Variants in ESRRG observed in about 807,000 individuals in gnomAD.
ESRRG encodes estrogen related receptor gamma.
Under a neutral mutation model 44.0 loss-of-function variants are expected in ESRRG, and 13 were observed. The ratio of observed to expected loss-of-function variants is 0.30; its 90% CI spans 0.19 to 0.47. The LOEUF is 0.47. Ranked by LOEUF, ESRRG falls within the 20% of genes least tolerant of loss-of-function variation. The pLI, the probability that ESRRG is intolerant of heterozygous loss-of-function variation, is 1.00. For synonymous variants in ESRRG, 215 were observed against 214.6 expected (o/e 1.00, Z -0.02); for missense variants, 395 against 580.6 (o/e 0.68, Z 3.29).
At position 216,779,290 on chromosome 1, in the gene ESRRG, ATT is replaced by A. The variant is rs1434782657; in HGVS notation, c.-13-101801_-13-101800del. Among the ~76,000 whole-genome samples, 160 of 35,118 alleles carry A rather than the reference ATT, an allele frequency of 4.6e-3. 2 individuals carry two copies. The highest frequency in any genetic ancestry group is 0.01 in the African/African-American group (85 of 8,354). 23.0% of individuals were successfully genotyped at this position (35,118 alleles called of 152,430 possible). Reference sequence around the variant, plus strand: ...ATATATTTATATTTATAAACATTATATTTATATTTATAAACATTATATTTATA... The same window carrying A: ...ATATATTTATATTTATAAACATTATATATATTTATAAACATTATATTTATA... On this transcript the variant is annotated intron_variant, in intron 2 of 7. Transcript: ENST00000359162.
At position 216,977,232 on chromosome 1, in the gene ESRRG, C is replaced by T. The variant is rs1466618085; in HGVS notation, c.-105-37559G>A. Among the ~76,000 whole-genome samples the T allele has an allele frequency of 1.9e-4, 29 of 151,554 alleles. No homozygotes were observed. The Admixed American group carries it at 1.9e-3, about 10-fold the overall frequency. On this transcript the variant is annotated intron_variant, in intron 1 of 7. Coordinates refer to the ESRRG transcript ENST00000359162. ...GCACATTTACTCTAGGGTATTGGAC[C>T]TATCTGTCAAGCTCTTAAGAGTCAA...
Position 216,979,651 on chromosome 1 carries a change from G to T in ESRRG, c.-105-39978C>A, listed in dbSNP as rs2073598309. On this transcript the variant is annotated intron_variant, in intron 1 of 7. Transcript: ENST00000359162. ...GTTTCCTCATCTATAAAATGGGAAT[G>T]ATAATAATCCGTAACTCATAGGAAT... Among the ~76,000 whole-genome samples the T allele has an allele frequency of 2.6e-5, 4 of 152,060 alleles. No individual in the cohort carries two copies. In the South Asian group the frequency reaches 8.3e-4, roughly 32 times the overall value.
chr1:216,749,298 T>A (rs2152284217), intron 2 of ESRRG, among the ~76,000 whole-genome samples: 1 of 152,158 alleles, frequency 6.6e-6, no homozygotes, highest in East Asian at 1.9e-4. Flanking sequence ...TCTCTCAGGT[T>A]CCCTAAGACC....
intron 5 of ESRRG, among the ~76,000 whole-genome samples, chr1:216,540,373 T>C (rs1389088439): frequency 6.6e-6 from 1 of 151,980 alleles, no homozygotes; most frequent in African/African-American, 2.4e-5. Context: ...AGACTTATAA[T>C]TAAAGCCTCT....
At chr1:216,740,567 C>A (rs143707988) in intron 2 of ESRRG, among the ~76,000 whole-genome samples, 2 of 151,376 alleles carry the variant, frequency 1.3e-5, no homozygotes, top group South Asian at 2.1e-4. Flanking sequence ...CAAGGGGAGG[C>A]CTTTTTTGTT....
At chr1:216,708,920 G>A (rs1269513326) in intron 1 of ESRRG, among the ~76,000 whole-genome samples, 4 of 152,080 alleles carry the variant, frequency 2.6e-5, no homozygotes, top group African/African-American at 7.2e-5. Context: ...TTGCAGGAAC[G>A]TGGATGAAGC....
intron 2 of ESRRG, among the ~76,000 whole-genome samples, chr1:216,834,945 C>G (rs2095540720): frequency 6.6e-6 from 1 of 152,094 alleles, no homozygotes; most frequent in Non-Finnish European, 1.5e-5. Flanking sequence ...AATTGAAGTA[C>G]AGTAGGGAGG....
intron 1 of ESRRG, among the ~76,000 whole-genome samples, chr1:217,085,758 G>A (rs950810995): frequency 6.6e-6 from 1 of 151,800 alleles, no homozygotes; most frequent in Admixed American, 6.6e-5. Context: ...CAAAGTGCTG[G>A]GATTACAGGC....
intron 1 of ESRRG, among the ~76,000 whole-genome samples, chr1:216,975,141 A>G (rs925275770): frequency 6.6e-6 from 1 of 152,206 alleles, no homozygotes; most frequent in South Asian, 2.1e-4. Context: ...TTGGATACAT[A>G]CTCAGAACAG....
intron 3 of ESRRG, among the ~76,000 whole-genome samples, chr1:216,638,420 C>A (rs1490730370): frequency 6.6e-6 from 1 of 152,094 alleles, no homozygotes; most frequent in East Asian, 1.9e-4. Flanking sequence ...GTGGGGGCTA[C>A]TTAATTTAAT....
intron 2 of ESRRG, among the ~76,000 whole-genome samples, chr1:216,911,477 T>C (rs1315067337): frequency 1.3e-5 from 2 of 152,206 alleles, no homozygotes; most frequent in Non-Finnish European, 2.9e-5. Context: ...AAAGGATATT[T>C]AGGGCAGTGA....
intron 4 of ESRRG, among the ~76,000 whole-genome samples, chr1:216,567,337 C>T (rs946784238): frequency 1.3e-5 from 2 of 152,162 alleles, no homozygotes; most frequent in Non-Finnish European, 1.5e-5. Context: ...TGCATTTTAG[C>T]AATGTACCAG....
chr1:216,510,623 C>G (rs1315850797), intron 6 of ESRRG, among the ~76,000 whole-genome samples: 1 of 152,148 alleles, frequency 6.6e-6, no homozygotes, highest in Non-Finnish European at 1.5e-5. Flanking sequence ...CGGTGGCTCA[C>G]GCCTGTAATC....
chr1:216,611,947 C>CT (rs2060736577), intron 3 of ESRRG, among the ~76,000 whole-genome samples: 1 of 152,048 alleles, frequency 6.6e-6, no homozygotes, highest in African/African-American at 2.4e-5. Context: ...TATGAGCAGG[C>CT]AAGTGGCTGA....
intron 1 of ESRRG, among the ~76,000 whole-genome samples, chr1:217,107,164 A>G (rs1240323102): frequency 6.6e-6 from 1 of 152,256 alleles, no homozygotes; most frequent in Non-Finnish European, 1.5e-5. Context: ...AAAGAAAAAA[A>G]GTGAAATTTG....
At chr1:216,560,572 T>C (rs1315658882) in intron 5 of ESRRG, among the ~76,000 whole-genome samples, 1 of 152,132 alleles carries the variant, frequency 6.6e-6, no homozygotes, top group African/African-American at 2.4e-5. Context: ...TTACAGTACA[T>C]AATAATATTT....
intron 2 of ESRRG, among the ~76,000 whole-genome samples, chr1:216,833,440 A>G (rs1041986089): frequency 7.9e-5 from 12 of 152,218 alleles, no homozygotes; most frequent in African/African-American, 2.9e-4. Context: ...ACTAATAATT[A>G]CAAGATATCT....
At chr1:216,856,779 T>A (rs2095949071) in intron 2 of ESRRG, among the ~76,000 whole-genome samples, 1 of 152,168 alleles carries the variant, frequency 6.6e-6, no homozygotes, top group Non-Finnish European at 1.5e-5. Context: ...AAAGAGATAG[T>A]TTACAGTGGG....
intron 3 of ESRRG, among the ~76,000 whole-genome samples, chr1:216,626,836 T>C (rs1402024788): frequency 1.3e-5 from 2 of 152,196 alleles, no homozygotes; most frequent in Non-Finnish European, 2.9e-5. Flanking sequence ...GACTCATTGT[T>C]CTAAAAATGA....
Sources: gnomAD v4.1 joint callset for allele counts (sites outside exome capture counted in the v4.1 genomes callset) on GRCh38, gnomAD v4.1.1 for gene constraint, MANE v1.5 for transcripts, NCBI Gene and HGNC (gene_info 2026-07-23, HGNC 2026-07-21) for gene names.